THSD7A: variants seen among roughly 807,000 people sequenced by gnomAD.
THSD7A encodes thrombospondin type 1 domain containing 7A, also known as thrombospondin type-1 domain-containing protein 7A.
A neutral mutation model predicts 231.3 loss-of-function variants in THSD7A; 96 were observed. The ratio of observed to expected loss-of-function variants is 0.41; its 90% CI spans 0.35 to 0.49. THSD7A has a LOEUF of 0.49. Ranked by LOEUF, THSD7A falls within the 20% of genes least tolerant of loss-of-function variation. THSD7A has a pLI of 0.05. For synonymous variants in THSD7A, 940 were observed against 743.3 expected, an observed-to-expected ratio of 1.26 and a Z score of -4.30; for missense variants, 2,290 against 2,070.2, an observed-to-expected ratio of 1.11 and a Z score of -2.06.
chr7:11,478,803 T>G (rs539408525), intron 7 of THSD7A, among the ~76,000 whole-genome samples: 2 of 152,128 alleles, frequency 1.3e-5, no homozygotes, highest in Admixed American at 6.5e-5. Flanking sequence ...ATATACACAC[T>G]GATACACAAT....
At chr7:11,804,338 A>C (rs1191374932) in intron 1 of THSD7A, among the ~76,000 whole-genome samples, 1 of 152,208 alleles carries the variant, frequency 6.6e-6, no homozygotes, top group Non-Finnish European at 1.5e-5. Flanking sequence ...CTAAGTATTA[A>C]GAGAAAGATA....
intron 1 of THSD7A, among the ~76,000 whole-genome samples, chr7:11,677,730 C>A (rs972761494): frequency 2.6e-5 from 4 of 151,860 alleles, no homozygotes; most frequent in Non-Finnish European, 5.9e-5. Context: ...GCTTAGGCTG[C>A]CACACAATAA....
At chr7:11,640,640 G>C (rs1418632344) in intron 1 of THSD7A, among the ~76,000 whole-genome samples, 2 of 152,020 alleles carry the variant, frequency 1.3e-5, no homozygotes, top group African/African-American at 4.8e-5. Context: ...ATGATCACGG[G>C]TGTCAACTAT....
intron 1 of THSD7A, among the ~76,000 whole-genome samples, chr7:11,685,975 C>A (rs905977333): frequency 6.6e-6 from 1 of 151,858 alleles, no homozygotes; most frequent in Admixed American, 6.6e-5. Context: ...ACTTGGTGCC[C>A]ATTAATGGTG....
At chr7:11,801,129 A>C (rs1784262715) in intron 1 of THSD7A, among the ~76,000 whole-genome samples, 1 of 152,062 alleles carries the variant, frequency 6.6e-6, no homozygotes, top group African/African-American at 2.4e-5. Context: ...AGGAGACCCC[A>C]TTTCAAAAAA....
At chr7:11,720,375 C>A (rs888442131) in intron 1 of THSD7A, among the ~76,000 whole-genome samples, 1 of 151,764 alleles carries the variant, frequency 6.6e-6, no homozygotes, top group East Asian at 2.0e-4. Flanking sequence ...TGGGAATGAA[C>A]TTGCCCCCAG....
Position 11,748,995 on chromosome 7 carries a change from TGA to T in THSD7A, c.190+82760_190+82761del, listed in dbSNP as rs1345525531. ...TGAGCGGGGAGGGGAGCAGCTCCTC[TGA>T]GAGAGTGTCACCCCAAGATCCGTCC... On this transcript the variant is annotated intron_variant, in intron 1 of 27. Transcript: ENST00000423059. Among the ~76,000 whole-genome samples the T allele has an allele frequency of 2.0e-5, 3 of 151,894 alleles. No homozygotes were observed. The East Asian group carries it at 5.8e-4, about 30-fold the overall frequency.
chr7:11,740,066 A>G (rs1782055051), intron 1 of THSD7A, among the ~76,000 whole-genome samples: 1 of 151,956 alleles, frequency 6.6e-6, no homozygotes, highest in Non-Finnish European at 1.5e-5. Context: ...CTCCCTTCTA[A>G]TGATCAAAGA....
rs971932948 is a variant in THSD7A, at chr7:11,640,091, A to T, written c.191-3130T>A. Reference sequence around the variant, plus strand: ...GAGTACCATATATGTTTCTCACGTAATGTTTAAATGTTAGTCACACTTTCG... The same window carrying T: ...GAGTACCATATATGTTTCTCACGTATTGTTTAAATGTTAGTCACACTTTCG... On this transcript the variant is annotated intron_variant, in intron 1 of 27. Transcript: ENST00000423059. 2.0e-5 allele frequency among the ~76,000 whole-genome samples: 3 copies of T among 152,188 alleles called. No individual in the cohort carries two copies. The South Asian group carries it at 6.2e-4, about 32-fold the overall frequency.
At chr7:11,799,730 T>C (rs1391269104) in intron 1 of THSD7A, among the ~76,000 whole-genome samples, 1 of 152,200 alleles carries the variant, frequency 6.6e-6, no homozygotes, top group African/African-American at 2.4e-5. Context: ...ATTGACACAA[T>C]TTGTTTTTTG....
intron 4 of THSD7A, among the ~76,000 whole-genome samples, chr7:11,559,886 A>G (rs963590708): frequency 6.6e-6 from 1 of 152,208 alleles, no homozygotes; most frequent in African/African-American, 2.4e-5. Flanking sequence ...AATAATTTGG[A>G]ATATTCTAGT....
chr7:11,773,918 T>G (rs533031064), intron 1 of THSD7A, among the ~76,000 whole-genome samples: 1 of 152,186 alleles, frequency 6.6e-6, no homozygotes, highest in African/African-American at 2.4e-5. Flanking sequence ...GAAGAGACAA[T>G]TTACAGAAAT....
At chr7:11,403,104 T>C (rs941854774) in intron 22 of THSD7A, among the ~76,000 whole-genome samples, 1 of 152,192 alleles carries the variant, frequency 6.6e-6, no homozygotes, top group African/African-American at 2.4e-5. Flanking sequence ...TTAGTGATAC[T>C]CTTCAGAGTA....
At chr7:11,525,268 T>C (rs1403057515) in intron 6 of THSD7A, among the ~76,000 whole-genome samples, 1 of 85,962 alleles carries the variant, frequency 1.2e-5, no homozygotes, top group Non-Finnish European at 2.2e-5. Context: ...ACTGAAGTTA[T>C]TTAAATTCAC....
At chr7:11,450,768 C>T (rs1000892735) in intron 11 of THSD7A, among the ~76,000 whole-genome samples, 1 of 151,958 alleles carries the variant, frequency 6.6e-6, no homozygotes, top group African/African-American at 2.4e-5. Context: ...ACAGGTGAAG[C>T]ATGTATATGT....
chr7:11,576,094 C>T (rs1042659392), intron 4 of THSD7A, among the ~76,000 whole-genome samples: 2 of 152,162 alleles, frequency 1.3e-5, no homozygotes, highest in Admixed American at 1.3e-4. Flanking sequence ...TGGCCTACTT[C>T]AAGAAATTCA....
chr7:11,440,709 C>A (rs252995), intron 13 of THSD7A, among the ~76,000 whole-genome samples: 132,222 of 152,010 alleles, frequency 0.87, 57,819 homozygotes, highest in African/African-American at 0.96. Flanking sequence ...CTCATGATAA[C>A]ACTTGAAGAG....
At chr7:11,783,943 ACC>A (rs1288731849) in intron 1 of THSD7A, among the ~76,000 whole-genome samples, 1 of 152,132 alleles carries the variant, frequency 6.6e-6, no homozygotes, top group Non-Finnish European at 1.5e-5. Context: ...TTCATTAATT[ACC>A]AATACATAGG....
intron 1 of THSD7A, among the ~76,000 whole-genome samples, chr7:11,829,239 T>C (rs1162129886): frequency 6.6e-6 from 1 of 152,120 alleles, no homozygotes; most frequent in Admixed American, 6.6e-5. Context: ...AATCTGTGCA[T>C]TGTTCAAGGG....
Sources: gnomAD v4.1 joint callset for allele counts (sites outside exome capture counted in the v4.1 genomes callset) on GRCh38, gnomAD v4.1.1 for gene constraint, MANE v1.5 for transcripts, NCBI Gene and HGNC (gene_info 2026-07-23, HGNC 2026-07-21) for gene names.